Variants in NEO1 observed in about 807,000 individuals in gnomAD.
NEO1 encodes neogenin.
In NEO1, 63 loss-of-function variants were observed where a neutral mutation model predicts 159.7. That is an observed-to-expected ratio of 0.39 (90% CI 0.32 to 0.49). The LOEUF (loss-of-function observed/expected upper bound fraction) is 0.49, where lower values mean the gene tolerates loss of function less well. Among genes scored for constraint, NEO1 ranks in the 20% least tolerant of loss-of-function variants. The pLI, the probability that NEO1 is intolerant of heterozygous loss-of-function variation, is 0.85. For synonymous variants in NEO1, 633 were observed against 662.0 expected, an observed-to-expected ratio of 0.96 and a Z score of 0.67; for missense variants, 1,615 against 1,831.0, an observed-to-expected ratio of 0.88 and a Z score of 2.15.
At position 73,302,602 on chromosome 15, in the gene NEO1, C is replaced by A. The variant is rs1476310228; in HGVS notation, c.4303-11C>A. 8.1e-6 allele frequency: 13 copies of A among 1,612,786 alleles called. No homozygotes were observed. Among genetic ancestry groups the A allele is most frequent in the Non-Finnish European group, 1.1e-5 (13 of 1,179,302 alleles). ...GGATCCAGCCCAGTAACAGTGTTTT[C>A]TTTTCCATAGAGCTATGAACCAGAT... On this transcript the variant is annotated splice_polypyrimidine_tract_variant and intron_variant, in intron 28 of 28. Transcript: ENST00000261908.
chr15:73,266,401 G>A lies in NEO1; in HGVS notation c.2484G>A (p.Arg828=). The change falls in exon 16 of 29, where the codon AGG becomes AGA. Residue 828 remains arginine, a synonymous_variant. Coordinates refer to ENST00000261908, the MANE Select transcript of NEO1 (RefSeq NM_002499.4). ...CCCTGTATGAGAGTGCTGTGACCAGGCCTCACACAGGTAAGGTATCCTATC... is the reference window on the plus strand; with the variant it reads ...CCCTGTATGAGAGTGCTGTGACCAGACCTCACACAGGTAAGGTATCCTATC... The part of the protein sequence containing the change: ...GIPLYESAVT[R]PHTDTSEVDL... 25 of 1,611,140 alleles carry A rather than the reference G, an allele frequency of 1.6e-5. No individual in the cohort carries two copies. The highest frequency in any genetic ancestry group is 2.0e-5 in the Non-Finnish European group (23 of 1,178,318).
At chr15:73,300,029 AATTC>A (rs1019305420) in intron 27 of NEO1, 49 of 152,354 alleles carry the variant, frequency 3.2e-4, no homozygotes, top group African/African-American at 1.1e-3. Flanking sequence ...ATTCCATTGA[AATTC>A]ATTCATCTGT....
At chr15:73,176,732 T>C (rs536380681) in intron 6 of NEO1, among the ~76,000 whole-genome samples, 175 bp downstream of exon 6, 1 of 152,236 alleles carries the variant, frequency 6.6e-6, no homozygotes, top group East Asian at 1.9e-4. Flanking sequence ...AGCCCAGAAA[T>C]ACTTTGGTAG....
chr15:73,264,837 CACTT>C (rs1260247163), intron 15 of NEO1, among the ~76,000 whole-genome samples: 36 of 152,176 alleles, frequency 2.4e-4, no homozygotes, highest in African/African-American at 8.2e-4. Flanking sequence ...ATTTAATAAA[CACTT>C]ACAATGTCCC....
At chr15:73,240,967 T>C (rs186084538) in intron 8 of NEO1, among the ~76,000 whole-genome samples, 6 of 152,336 alleles carry the variant, frequency 3.9e-5, no homozygotes, top group South Asian at 2.1e-4. Context: ...ACAAAAGTAA[T>C]ATATTTACTT....
intron 4 of NEO1, among the ~76,000 whole-genome samples, chr15:73,135,003 T>G (rs2031585442): frequency 6.6e-6 from 1 of 152,194 alleles, no homozygotes; most frequent in Non-Finnish European, 1.5e-5. Context: ...TGGTACTGTA[T>G]TTTGAATTTA....
At chr15:73,298,267 C>T (rs539825365) in intron 26 of NEO1, 81 bp from the exon 27 acceptor site, 4 of 1,558,642 alleles carry the variant, frequency 2.6e-6, no homozygotes, top group Admixed American at 1.8e-5. Flanking sequence ...GTTTAGGGAA[C>T]CCCTAGAAGT....
At chr15:73,060,430 A>AT (rs1229158955) in intron 1 of NEO1, among the ~76,000 whole-genome samples, 1 of 151,244 alleles carries the variant, frequency 6.6e-6, no homozygotes, top group African/African-American at 2.4e-5. Flanking sequence ...CACCCTGCTA[A>AT]TTTTTTTTGT....
At chr15:73,234,821 G>T (rs1178260464) in intron 7 of NEO1, among the ~76,000 whole-genome samples, 1 of 152,124 alleles carries the variant, frequency 6.6e-6, no homozygotes, top group Non-Finnish European at 1.5e-5. Flanking sequence ...ACTCTGCTTG[G>T]CTATATCCAG....
At chr15:73,266,172 C>T in intron 15 of NEO1, 144 bp from the exon 16 acceptor site, 1 of 609,844 alleles carries the variant, frequency 1.6e-6, no homozygotes, top group Non-Finnish European at 2.8e-6. Context: ...TCCATATCTC[C>T]CTACAACCTG....
At chr15:73,085,396 AGTTC>A (rs1473947116) in intron 1 of NEO1, among the ~76,000 whole-genome samples, 2 of 152,170 alleles carry the variant, frequency 1.3e-5, no homozygotes, top group Non-Finnish European at 2.9e-5. Flanking sequence ...GGTTGCCAGC[AGTTC>A]GTAGGGATTA....
chr15:73,241,516 G>A lies in NEO1; in HGVS notation c.1452-2828G>A, dbSNP rs541344782. Among the ~76,000 whole-genome samples, 29 of 152,004 alleles carry A rather than the reference G, an allele frequency of 1.9e-4. No individual in the cohort carries two copies. In the South Asian group the frequency reaches 2.9e-3, roughly 15 times the overall value. ...TTTGCCCACCCTGTCTCATTTTTTCGTTTAATACATAAAGAAAGTGAGGCC... is the reference window on the plus strand; with the variant it reads ...TTTGCCCACCCTGTCTCATTTTTTCATTTAATACATAAAGAAAGTGAGGCC... On this transcript the variant is annotated intron_variant, in intron 8 of 28. Coordinates refer to ENST00000261908, the MANE Select transcript of NEO1 (RefSeq NM_002499.4).
chr15:73,266,820 C>A (rs1455815044), intron 16 of NEO1, among the ~76,000 whole-genome samples: 2 of 152,138 alleles, frequency 1.3e-5, no homozygotes, highest in Non-Finnish European at 2.9e-5. Context: ...GGTTACTAGC[C>A]ACCTGAGTTG....
At chr15:73,202,365 A>G (rs574983860) in intron 7 of NEO1, among the ~76,000 whole-genome samples, 55 of 152,332 alleles carry the variant, frequency 3.6e-4, no homozygotes, top group African/African-American at 1.3e-3. Context: ...ATTATATAAT[A>G]GAGATCCTCC....
At chr15:73,235,978 C>G (rs969394755) in intron 7 of NEO1, among the ~76,000 whole-genome samples, 1 of 152,330 alleles carries the variant, frequency 6.6e-6, no homozygotes, top group South Asian at 2.1e-4. Context: ...ATGGGCACTG[C>G]TGTGCCTTCT....
chr15:73,227,889 G>A (rs1009392936), intron 7 of NEO1, among the ~76,000 whole-genome samples: 4 of 152,172 alleles, frequency 2.6e-5, no homozygotes, highest in Admixed American at 2.6e-4. Context: ...CAGTCTGGAG[G>A]ACTTTGAACA....
At chr15:73,064,829 A>G (rs1193996541) in intron 1 of NEO1, among the ~76,000 whole-genome samples, 1 of 152,044 alleles carries the variant, frequency 6.6e-6, no homozygotes. Flanking sequence ...CTTTTGCCTG[A>G]CAGTTTTTGT....
chr15:73,085,071 A>G (rs1392534978), intron 1 of NEO1, among the ~76,000 whole-genome samples: 1 of 150,846 alleles, frequency 6.6e-6, no homozygotes, highest in East Asian at 1.9e-4. Context: ...GGATAGAGTA[A>G]AGATCATTAG....
intron 1 of NEO1, among the ~76,000 whole-genome samples, chr15:73,060,964 G>T (rs1595887619): frequency 1.3e-5 from 2 of 152,070 alleles, no homozygotes; most frequent in Non-Finnish European, 2.9e-5. Context: ...TTTATTAATC[G>T]TACCTCACCT....
Sources: gnomAD v4.1 joint callset for allele counts (sites outside exome capture counted in the v4.1 genomes callset) on GRCh38, gnomAD v4.1.1 for gene constraint, MANE v1.5 for transcripts, NCBI Gene and HGNC (gene_info 2026-07-23, HGNC 2026-07-21) for gene names.